TMIGD3: variants seen among roughly 807,000 people sequenced by gnomAD.
TMIGD3 encodes AD026 protein (AD026).
In TMIGD3, 21 loss-of-function variants were observed where a neutral mutation model predicts 28.1. The observed-to-expected ratio is 0.75, with a 90% CI of 0.53 to 1.08. TMIGD3 has a LOEUF of 1.08. Among genes scored for constraint, TMIGD3 ranks in the 50% least tolerant of loss-of-function variants. TMIGD3 has a pLI of 0.00. For missense variants in TMIGD3, 416 were observed against 435.6 expected (o/e 0.96, Z 0.40); for synonymous variants, 151 against 162.1 (o/e 0.93, Z 0.52).
intron 1 of TMIGD3, among the ~76,000 whole-genome samples, chr1:111,548,192 T>G (rs1482822221): frequency 6.6e-6 from 1 of 152,210 alleles, no homozygotes; most frequent in Non-Finnish European, 1.5e-5. Flanking sequence ...GGCTAATTTT[T>G]GTGTTTTCAG....
intron 1 of TMIGD3, among the ~76,000 whole-genome samples, chr1:111,521,162 T>C (rs536395718): frequency 1.7e-4 from 26 of 152,334 alleles, no homozygotes; most frequent in African/African-American, 6.3e-4. Context: ...TGTGTGGATC[T>C]ATCGTAATTT....
chr1:111,522,518 C>CTT (rs1375113931), intron 1 of TMIGD3, among the ~76,000 whole-genome samples: 1,491 of 135,656 alleles, frequency 0.011, 25 homozygotes, highest in African/African-American at 0.035. Flanking sequence ...TTGTTTGTTG[C>CTT]TTTTTTTTTT....
At chr1:111,493,952 G>A (rs1557818637) in intron 1 of TMIGD3, among the ~76,000 whole-genome samples, 1 of 152,216 alleles carries the variant, frequency 6.6e-6, no homozygotes, top group Non-Finnish European at 1.5e-5. Flanking sequence ...CTCAGCTATA[G>A]TAGCTAAGAG....
intron 1 of TMIGD3, among the ~76,000 whole-genome samples, chr1:111,515,978 A>T (rs986551102): frequency 4.6e-5 from 7 of 152,210 alleles, no homozygotes; most frequent in African/African-American, 1.7e-4. Context: ...GGGAACCTGC[A>T]GGTGGGACCG....
intron 1 of TMIGD3, among the ~76,000 whole-genome samples, chr1:111,532,048 T>C (rs1434205627): frequency 6.6e-6 from 1 of 152,148 alleles, no homozygotes; most frequent in Admixed American, 6.5e-5. Context: ...CCCTATTAAT[T>C]ATGAGGTTTT....
Position 111,503,618 on chromosome 1 carries a change from C to G in TMIGD3, c.-264G>C. 1 of 1,299,208 alleles carries G rather than the reference C, an allele frequency of 7.7e-7. No homozygotes were observed. The highest frequency in any genetic ancestry group is 9.8e-7 in the Non-Finnish European group (1 of 1,015,310). The allele number at this position is 1,299,208 out of a possible 1,614,324, so 80.5% of individuals were successfully genotyped here. A position where few individuals can be genotyped will look rare whatever the true frequency, so the allele number is the denominator to read the frequency against. ...CTCAAGTTTCCAGAATGCTGTAGGA[C>G]AGCTCTATATGGACTGAATCTGAAA... On this transcript the variant is annotated 5_prime_UTR_variant, in exon 1 of 6. Coordinates refer to ENST00000369716, the MANE Select transcript of TMIGD3 (RefSeq NM_020683.7).
chr1:111,530,336 A>G (rs1261854366), intron 1 of TMIGD3, among the ~76,000 whole-genome samples: 1 of 151,990 alleles, frequency 6.6e-6, no homozygotes, highest in East Asian at 1.9e-4. Flanking sequence ...TTTGTTTTGC[A>G]CAATTATTTT....
intron 1 of TMIGD3, chr1:111,499,391 T>C (rs765673501): frequency 5.1e-6 from 5 of 988,002 alleles, no homozygotes; most frequent in Non-Finnish European, 6.0e-6. Context: ...GCTGGGTCTT[T>C]AAGCCCCAAG....
chr1:111,508,675 C>G (rs1291628588), intron 1 of TMIGD3, among the ~76,000 whole-genome samples: 1 of 152,170 alleles, frequency 6.6e-6, no homozygotes, highest in Non-Finnish European at 1.5e-5. Flanking sequence ...GTGACTGTTC[C>G]AATAAACACA....
At chr1:111,499,045 C>T (rs906630542) in intron 1 of TMIGD3, among the ~76,000 whole-genome samples, 78 of 148,886 alleles carry the variant, frequency 5.2e-4, no homozygotes, top group African/African-American at 1.8e-3. Context: ...GATCTGCGAT[C>T]GAGCCACTAC....
At chr1:111,541,964 AAGGCAAG>A (rs1656843677) in intron 1 of TMIGD3, among the ~76,000 whole-genome samples, 2 of 152,214 alleles carry the variant, frequency 1.3e-5, no homozygotes, top group Non-Finnish European at 2.9e-5. Flanking sequence ...CTGGAGAGGA[AAGGCAAG>A]GTGATGAATT....
intron 1 of TMIGD3, among the ~76,000 whole-genome samples, chr1:111,525,670 C>T (rs1017382051): frequency 2.6e-5 from 4 of 152,180 alleles, no homozygotes; most frequent in East Asian, 3.8e-4. Context: ...TGAGACCAGC[C>T]TGGCCAACAT....
intron 1 of TMIGD3, among the ~76,000 whole-genome samples, chr1:111,520,583 A>G (rs186779771): frequency 4.5e-4 from 69 of 152,342 alleles, no homozygotes; most frequent in Admixed American, 9.1e-4. Context: ...CAATGTAACT[A>G]AGAGACTGTT....
chr1:111,486,648 T>A lies in TMIGD3; in HGVS notation c.810A>T (p.Leu270=). The A allele has an allele frequency of 6.2e-7, 1 of 1,613,896 alleles. No individual in the cohort carries two copies. Among genetic ancestry groups the A allele is most frequent in the South Asian group, 1.1e-5 (1 of 91,052 alleles). The change falls in exon 4 of 6, where the codon CTA becomes CTT. Residue 270 remains leucine, a synonymous_variant. Coordinates refer to ENST00000369716, the MANE Select transcript of TMIGD3 (RefSeq NM_020683.7). Reference sequence around the variant, plus strand: ...TGCAGCTTCTGGTTTTGTTGCCTGATAGGTCTGAATCAGAAAGGATTTGTT... The same window carrying A: ...TGCAGCTTCTGGTTTTGTTGCCTGAAAGGTCTGAATCAGAAAGGATTTGTT... The part of the protein sequence containing the change: ...LANDFWSGKD[L]SGNKTRSCKA...
chr1:111,540,954 G>A (rs149052174), intron 1 of TMIGD3, among the ~76,000 whole-genome samples: 824 of 152,270 alleles, frequency 5.4e-3, no homozygotes, highest in Non-Finnish European at 8.7e-3. Flanking sequence ...CCTATGGAAC[G>A]ACGGTTGGCA....
chr1:111,512,382 C>G (rs1655718460), intron 1 of TMIGD3, among the ~76,000 whole-genome samples: 1 of 152,360 alleles, frequency 6.6e-6, no homozygotes, highest in Non-Finnish European at 1.5e-5. Flanking sequence ...CAACGTGCTC[C>G]AGAGGAGAAA....
intron 1 of TMIGD3, chr1:111,499,635 A>G (rs1280527262): frequency 2.7e-6 from 3 of 1,128,148 alleles, no homozygotes; most frequent in Non-Finnish European, 3.3e-6. Context: ...TCAGTAAGTC[A>G]ACTAGGCACC....
chr1:111,553,908 G>C (rs142183017), intron 1 of TMIGD3, among the ~76,000 whole-genome samples: 1 of 152,288 alleles, frequency 6.6e-6, no homozygotes, highest in African/African-American at 2.4e-5. Flanking sequence ...CCTATACAAA[G>C]AGCTTGAATA....
chr1:111,526,644 A>G (rs1432259270), intron 1 of TMIGD3, among the ~76,000 whole-genome samples: 1 of 152,202 alleles, frequency 6.6e-6, no homozygotes, highest in Non-Finnish European at 1.5e-5. Flanking sequence ...ACAGTGGTAC[A>G]TTTATTATAA....
Sources: allele counts gnomAD v4.1 joint callset (sites outside exome capture counted in the v4.1 genomes callset), GRCh38; gene constraint gnomAD v4.1.1; transcripts MANE v1.5; gene names NCBI Gene and HGNC (gene_info 2026-07-23, HGNC 2026-07-21).